Variants in N4BP2 observed in about 807,000 individuals in gnomAD.
N4BP2 encodes NEDD4 binding protein 2.
In N4BP2, 91 loss-of-function variants were observed where a neutral mutation model predicts 152.8. The ratio of observed to expected loss-of-function variants is 0.60; its 90% confidence interval spans 0.50 to 0.71. The LOEUF is 0.71. N4BP2 is among the 30% of genes least tolerant of loss of function. The pLI is 0.00. For synonymous variants in N4BP2, 646 were observed against 705.3 expected, an observed-to-expected ratio of 0.92 and a Z score of 1.33; for missense variants, 1,923 against 2,059.1, an observed-to-expected ratio of 0.93 and a Z score of 1.28.
intron 14 of N4BP2, among the ~76,000 whole-genome samples, chr4:40,141,691 CG>C (rs1560637665): frequency 6.6e-6 from 1 of 151,910 alleles, no homozygotes; most frequent in Non-Finnish European, 1.5e-5. Flanking sequence ...GGGTGGCGGC[CG>C]GGCAGAGGCT....
intron 4 of N4BP2, among the ~76,000 whole-genome samples, chr4:40,106,260 T>C (rs565892443): frequency 5.3e-5 from 8 of 152,312 alleles, no homozygotes; most frequent in African/African-American, 1.9e-4. Flanking sequence ...AACTTCTGCT[T>C]AGAGTATTTT....
At chr4:40,133,014 C>G (rs560492017) in intron 13 of N4BP2, among the ~76,000 whole-genome samples, 5 of 151,870 alleles carry the variant, frequency 3.3e-5, no homozygotes, top group Non-Finnish European at 7.4e-5. Context: ...ACTGGCAGCC[C>G]GCCATTTTTC....
chr4:40,064,893 C>T (rs1474787718), intron 1 of N4BP2, among the ~76,000 whole-genome samples: 4 of 152,066 alleles, frequency 2.6e-5, no homozygotes, highest in Non-Finnish European at 4.4e-5. Flanking sequence ...CCTCAGCCTC[C>T]TGTACTCAGG....
intron 2 of N4BP2, among the ~76,000 whole-genome samples, chr4:40,080,433 T>C (rs1399510017): frequency 6.6e-6 from 1 of 150,952 alleles, no homozygotes; most frequent in African/African-American, 2.4e-5. Context: ...CTGCAACCAC[T>C]GTCTTCTAGG....
intron 16 of N4BP2, 66 bp downstream of exon 16, chr4:40,144,866 C>T (rs1720366164): frequency 7.6e-7 from 1 of 1,320,174 alleles, no homozygotes; most frequent in Non-Finnish European, 1.0e-6. Context: ...GTATAGCTTG[C>T]AAATTCAGGA....
intron 3 of N4BP2, 109 bp from the exon 4 acceptor site, chr4:40,101,966 C>T: frequency 1.6e-6 from 1 of 638,784 alleles, no homozygotes; most frequent in Non-Finnish European, 2.5e-6. Context: ...CATTTATATT[C>T]TGTTCAATGC....
At chr4:40,147,595 C>T (rs1040675950) in intron 16 of N4BP2, among the ~76,000 whole-genome samples, 4 of 150,426 alleles carry the variant, frequency 2.7e-5, no homozygotes, top group Admixed American at 1.3e-4. Context: ...GCTGACCCCC[C>T]CACCTCCCTC....
intron 7 of N4BP2, among the ~76,000 whole-genome samples, chr4:40,117,191 C>T (rs535499640): frequency 5.9e-5 from 9 of 152,130 alleles, no homozygotes; most frequent in East Asian, 3.9e-4. Context: ...CTTCTCTTTC[C>T]GGGACTTAGA....
intron 2 of N4BP2, among the ~76,000 whole-genome samples, chr4:40,079,026 A>T (rs943106479): frequency 8.5e-5 from 13 of 152,124 alleles, no homozygotes; most frequent in African/African-American, 3.1e-4. Context: ...ATCTCAAGCG[A>T]TTCTCCAACC....
chr4:40,151,429 G>A (rs1721143996), intron 16 of N4BP2, among the ~76,000 whole-genome samples: 1 of 151,974 alleles, frequency 6.6e-6, no homozygotes, highest in Non-Finnish European at 1.5e-5. Flanking sequence ...GCCTCGCCAT[G>A]CCCTGCTAAT....
intron 7 of N4BP2, 44 bp downstream of exon 7, chr4:40,113,552 G>T: frequency 1.5e-6 from 2 of 1,316,216 alleles, no homozygotes; most frequent in South Asian, 2.4e-5. Flanking sequence ...TGTAACGACA[G>T]ACAGACAAGG....
rs760317072 is a variant in N4BP2, at chr4:40,121,017, A to G, written c.2906A>G (p.His969Arg). 4 of 1,614,146 alleles carry G rather than the reference A, an allele frequency of 2.5e-6. No individual in the cohort carries two copies. Among genetic ancestry groups the G allele is most frequent in the South Asian group, 2.2e-5 (2 of 91,080 alleles). The change falls in exon 9 of 18, where the codon CAT (histidine) becomes CGT (arginine). Residue 969 changes from histidine to arginine, a missense_variant. Coordinates refer to ENST00000261435, the MANE Select transcript of N4BP2 (RefSeq NM_018177.6). The part of the protein sequence containing the change: ...ESQTCLSKKS[H>R]GQHTSLPLTF... ...CAGACTTGTCTAAGTAAAAAGAGTCATGGGCAACACACATCGTTGCCTCTT... is the reference window on the plus strand; with the variant it reads ...CAGACTTGTCTAAGTAAAAAGAGTCGTGGGCAACACACATCGTTGCCTCTT...
At chr4:40,068,096 T>C (rs1283983521) in intron 1 of N4BP2, among the ~76,000 whole-genome samples, 1 of 152,230 alleles carries the variant, frequency 6.6e-6, no homozygotes, top group Non-Finnish European at 1.5e-5. Context: ...TTCATATACT[T>C]GTTGGCCATG....
At chr4:40,154,002 G>A (rs1721391490) in intron 17 of N4BP2, among the ~76,000 whole-genome samples, 190 bp from the exon 18 acceptor site, 1 of 152,112 alleles carries the variant, frequency 6.6e-6, no homozygotes, top group Non-Finnish European at 1.5e-5. Flanking sequence ...CTTTAAGATT[G>A]TATTTGTTTT....
chr4:40,142,925 A>G (rs924781241), intron 15 of N4BP2, 64 bp downstream of exon 15: 35 of 1,341,594 alleles, frequency 2.6e-5, no homozygotes, highest in Non-Finnish European at 3.6e-5. Flanking sequence ...CTTGAAGCAG[A>G]TAAGACACCC....
chr4:40,056,999 G>C lies in N4BP2; in HGVS notation c.-243G>C, dbSNP rs1373716253. On this transcript the variant is annotated 5_prime_UTR_variant, in exon 1 of 18. Transcript: ENST00000261435. ...TTGTGCGTTCGACGACGCGGCACCG[G>C]CTTCGACGCCCTCTGCCCGCTCCAG... 1 of 152,302 alleles carries C rather than the reference G, an allele frequency of 6.6e-6. No individual in the cohort carries two copies. Among genetic ancestry groups the C allele is most frequent in the African/African-American group, 2.4e-5 (1 of 41,456 alleles). The allele number at this position is 152,302 out of a possible 1,614,324, so 9.4% of individuals were successfully genotyped here.
rs1315141635 is a variant in N4BP2 at position 40,125,041 on chromosome 4, C to T, written c.4330+836C>T. ...TGGCAGACCTGTTATTAAGCATCCT[C>T]CTTTTGTGCCTGAGTTCCTCCACAT... On this transcript the variant is annotated intron_variant, in intron 11 of 17. Transcript: ENST00000261435. Among the ~76,000 whole-genome samples the T allele has an allele frequency of 2.6e-5, 4 of 152,306 alleles. No individual in the cohort carries two copies. In the East Asian group the frequency reaches 7.7e-4, roughly 29 times the overall value.
the N4BP2 span, among the ~76,000 whole-genome samples, chr4:40,165,363 C>T: frequency 2.0e-5 from 3 of 152,276 alleles, no homozygotes; most frequent in South Asian, 6.2e-4. Context: ...ATCCTCGTGC[C>T]TCAGTCTCCT....
intron 4 of N4BP2, among the ~76,000 whole-genome samples, chr4:40,106,216 A>G (rs983689468): frequency 6.6e-6 from 1 of 152,248 alleles, no homozygotes; most frequent in Non-Finnish European, 1.5e-5. Flanking sequence ...AAAGCAAAAT[A>G]GACCTGCCTT....
Sources: gnomAD v4.1 joint callset for allele counts (sites outside exome capture counted in the v4.1 genomes callset) on GRCh38, gnomAD v4.1.1 for gene constraint, MANE v1.5 for transcripts, NCBI Gene and HGNC (gene_info 2026-07-23, HGNC 2026-07-21) for gene names.